Variants in NKAIN2 observed in about 807,000 individuals in gnomAD.
NKAIN2 encodes the protein sodium/potassium-transporting ATPase subunit beta-1-interacting protein 2.
In NKAIN2, 14 loss-of-function variants were observed where a neutral mutation model predicts 32.6. The ratio of observed to expected loss-of-function variants is 0.43; its 90% CI spans 0.28 to 0.67. The LOEUF (loss-of-function observed/expected upper bound fraction) is 0.67, where lower values mean the gene tolerates loss of function less well. NKAIN2 is among the 30% of genes least tolerant of loss of function. The pLI, the probability that NKAIN2 is intolerant of heterozygous loss-of-function variation, is 0.17. For synonymous variants in NKAIN2, 80 were observed against 87.2 expected, an observed-to-expected ratio of 0.92 and a Z score of 0.46; for missense variants, 198 against 258.3, an observed-to-expected ratio of 0.77 and a Z score of 1.60.
At chr6:123,886,449 A>T (rs1562239790) in intron 1 of NKAIN2, among the ~76,000 whole-genome samples, 1 of 152,110 alleles carries the variant, frequency 6.6e-6, no homozygotes, top group East Asian at 1.9e-4. Context: ...TTAGTATCTA[A>T]GTCCTGTAAA....
intron 3 of NKAIN2, among the ~76,000 whole-genome samples, chr6:124,379,148 A>AGAAAG (rs1800130755): frequency 2.6e-5 from 1 of 38,376 alleles, no homozygotes; most frequent in Admixed American, 3.1e-4. Context: ...GAGGGGAGGG[A>AGAAAG]GGGAGGGAGG....
chr6:124,337,118 T>C (rs541684388), intron 2 of NKAIN2, among the ~76,000 whole-genome samples: 85 of 152,322 alleles, frequency 5.6e-4, no homozygotes, highest in African/African-American at 1.9e-3. Context: ...CTGCAAAGCT[T>C]TAATTCATAT....
intron 1 of NKAIN2, among the ~76,000 whole-genome samples, chr6:124,124,195 G>A (rs1284067356): frequency 6.6e-6 from 1 of 152,110 alleles, no homozygotes; most frequent in African/African-American, 2.4e-5. Context: ...CACTGGAAAA[G>A]ATGTTTTATT....
At chr6:124,418,877 G>T (rs1022237627) in intron 3 of NKAIN2, among the ~76,000 whole-genome samples, 1 of 151,806 alleles carries the variant, frequency 6.6e-6, no homozygotes, top group Admixed American at 6.6e-5. Context: ...TTGCATATGC[G>T]AATGATTCTC....
chr6:124,420,700 C>G (rs1420506879), intron 3 of NKAIN2, among the ~76,000 whole-genome samples: 1 of 152,060 alleles, frequency 6.6e-6, no homozygotes, highest in African/African-American at 2.4e-5. Context: ...AATCCATTTG[C>G]TTTGCGGGGT....
At chr6:124,810,438 A>T (rs892934610) in intron 5 of NKAIN2, among the ~76,000 whole-genome samples, 2 of 152,016 alleles carry the variant, frequency 1.3e-5, no homozygotes, top group Non-Finnish European at 2.9e-5. Flanking sequence ...AACAATGAGA[A>T]CACATGGACA....
chr6:124,090,604 T>C (rs902791737), intron 1 of NKAIN2, among the ~76,000 whole-genome samples: 40 of 152,032 alleles, frequency 2.6e-4, no homozygotes, highest in Non-Finnish European at 1.3e-4. Context: ...CTAACCTTTG[T>C]TGTATATTCA....
At chr6:124,143,175 A>G (rs1014006406) in intron 1 of NKAIN2, among the ~76,000 whole-genome samples, 2 of 152,204 alleles carry the variant, frequency 1.3e-5, no homozygotes, top group Non-Finnish European at 2.9e-5. Flanking sequence ...AAAAAAATGT[A>G]TCACTGGGAG....
At chr6:124,775,429 A>G (rs1778946119) in intron 4 of NKAIN2, among the ~76,000 whole-genome samples, 1 of 152,220 alleles carries the variant, frequency 6.6e-6, no homozygotes, top group African/African-American at 2.4e-5. Context: ...GTACAGCTTT[A>G]AAAACAACAA....
intron 3 of NKAIN2, among the ~76,000 whole-genome samples, chr6:124,596,515 A>T (rs529979575): frequency 6.6e-6 from 1 of 152,284 alleles, no homozygotes; most frequent in African/African-American, 2.4e-5. Flanking sequence ...CAACTAGTCG[A>T]TACATAATAA....
rs1462673255 is a variant in NKAIN2, at chr6:124,711,747, A to C, written c.474+53361A>C. ...AATTTTTTTTCAAAGTTTTCGACTT[A>C]TTTGCCTTTGGTTTGAATGTCCTCC... On this transcript the variant is annotated intron_variant, in intron 4 of 6. Transcript: ENST00000368417. Among the ~76,000 whole-genome samples, 59 of 151,856 alleles carry C rather than the reference A, an allele frequency of 3.9e-4. 2 individuals carry two copies. Among genetic ancestry groups the C allele is most frequent in the Admixed American group, 3.3e-4 (5 of 15,258 alleles).
chr6:123,804,842 A>G (rs905830772), intron 1 of NKAIN2, among the ~76,000 whole-genome samples: 24 of 152,204 alleles, frequency 1.6e-4, no homozygotes, highest in African/African-American at 5.1e-4. Flanking sequence ...AAAAATACTT[A>G]GGTGAACTCA....
rs552083904 is a variant in NKAIN2 at position 124,685,534 on chromosome 6, C to T, written c.474+27148C>T. The stretch of plus-strand genomic sequence containing the variant: ...ATAACAATAAAGAATTTTGGGATAT[C>T]AATGTGACAGTTAATGAAAAAGTGA... On this transcript the variant is annotated intron_variant, in intron 4 of 6. Coordinates refer to ENST00000368417, the MANE Select transcript of NKAIN2 (RefSeq NM_001040214.3). 2.0e-5 allele frequency among the ~76,000 whole-genome samples: 3 copies of T among 152,110 alleles called. No homozygotes were observed. The East Asian group carries it at 5.8e-4, about 29-fold the overall frequency.
intron 4 of NKAIN2, among the ~76,000 whole-genome samples, chr6:124,761,910 G>T (rs978459109): frequency 2.0e-5 from 3 of 152,114 alleles, no homozygotes; most frequent in Non-Finnish European, 4.4e-5. Context: ...AAAATGTGCA[G>T]ATGTATACCC....
chr6:124,809,875 A>G (rs1168299037), intron 5 of NKAIN2, among the ~76,000 whole-genome samples: 9 of 152,220 alleles, frequency 5.9e-5, no homozygotes, highest in Non-Finnish European at 1.3e-4. Context: ...CAAAAAACAC[A>G]TGAAAAAATG....
chr6:124,814,351 A>G (rs1398866168), intron 5 of NKAIN2, among the ~76,000 whole-genome samples: 1 of 152,136 alleles, frequency 6.6e-6, no homozygotes, highest in African/African-American at 2.4e-5. Flanking sequence ...ACTACAGAAA[A>G]TATGCCCTCT....
At chr6:123,882,371 G>A (rs1465189246) in intron 1 of NKAIN2, among the ~76,000 whole-genome samples, 1 of 152,018 alleles carries the variant, frequency 6.6e-6, no homozygotes, top group East Asian at 1.9e-4. Flanking sequence ...TATCACTAAT[G>A]TCCTTTCAAA....
intron 1 of NKAIN2, among the ~76,000 whole-genome samples, chr6:124,152,293 T>C (rs1253398431): frequency 6.6e-6 from 1 of 152,034 alleles, no homozygotes; most frequent in Non-Finnish European, 1.5e-5. Flanking sequence ...AGTTTCTCTA[T>C]TCTGTTTCAT....
Position 124,551,408 on chromosome 6 carries a change from A to G in NKAIN2, c.274-106778A>G, listed in dbSNP as rs559184440. Among the ~76,000 whole-genome samples, 3 of 152,284 alleles carry G rather than the reference A, an allele frequency of 2.0e-5. No homozygotes were observed. In the South Asian group the frequency reaches 6.2e-4, roughly 32 times the overall value. On this transcript the variant is annotated intron_variant, in intron 3 of 6. Transcript: ENST00000368417. ...CACCAGTGGTGTTGCCATCTTCTCTACGTTTTTCTTCCCTGACTTTTTCAG... is the reference window on the plus strand; with the variant it reads ...CACCAGTGGTGTTGCCATCTTCTCTGCGTTTTTCTTCCCTGACTTTTTCAG...
Sources: gnomAD v4.1 joint callset for allele counts (sites outside exome capture counted in the v4.1 genomes callset) on GRCh38, gnomAD v4.1.1 for gene constraint, MANE v1.5 for transcripts, NCBI Gene and HGNC (gene_info 2026-07-23, HGNC 2026-07-21) for gene names.